RETSAT: variants seen among roughly 807,000 people sequenced by gnomAD.
RETSAT encodes the protein retinol saturase, also known as all-trans-retinol 13,14-reductase.
In RETSAT, 35 loss-of-function variants were observed where a neutral mutation model predicts 61.6. The ratio of observed to expected loss-of-function variants is 0.57; its 90% CI spans 0.43 to 0.75. The LOEUF (loss-of-function observed/expected upper bound fraction) is 0.75. Ranked by LOEUF, RETSAT falls within the 30% of genes least tolerant of loss-of-function variation. The pLI is 0.00. For synonymous variants in RETSAT, 277 were observed against 310.4 expected, an observed-to-expected ratio of 0.89 and a Z score of 1.13; for missense variants, 670 against 759.5, an observed-to-expected ratio of 0.88 and a Z score of 1.38.
At chr2:85,346,464 C>G (rs1171456703) in intron 5 of RETSAT, among the ~76,000 whole-genome samples, 1 of 152,198 alleles carries the variant, frequency 6.6e-6, no homozygotes, top group South Asian at 2.1e-4. Flanking sequence ...TTAATACCCT[C>G]CAATCGGGGC....
In RETSAT at chr2:85,343,156, G is replaced by A. The variant is rs1156626122; in HGVS notation, c.*86C>T. On this transcript the variant is annotated 3_prime_UTR_variant, in exon 11 of 11. Coordinates refer to ENST00000295802, the MANE Select transcript of RETSAT (RefSeq NM_017750.4). ...AAATTAGAGTGCTTTATACGTGCAAGGAACTAATGCAGAAAGACATTATGG... is the reference window on the plus strand; with the variant it reads ...AAATTAGAGTGCTTTATACGTGCAAAGAACTAATGCAGAAAGACATTATGG... 2 of 1,554,742 alleles carry A rather than the reference G, an allele frequency of 1.3e-6. No homozygotes were observed. The highest frequency in any genetic ancestry group is 2.7e-5 in the African/African-American group (2 of 73,540).
chr2:85,349,652 T>A lies in RETSAT; in HGVS notation c.800-71A>T. On this transcript the variant is annotated intron_variant, in intron 4 of 10. Transcript: ENST00000295802. ...GCACCATTCAGAAAGGAACGTGGAA[T>A]TCTGTGAGATAACACACAGCCCAGT... The A allele has an allele frequency of 6.9e-6, 9 of 1,312,990 alleles. No individual in the cohort carries two copies. The South Asian group carries it at 1.1e-4, about 16-fold the overall frequency. The allele number at this position is 1,312,990 out of a possible 1,614,324, so 81.3% of individuals were successfully genotyped here. A position where few individuals can be genotyped will look rare whatever the true frequency, so the allele number is the denominator to read the frequency against.
At position 85,344,707 on chromosome 2, in the gene RETSAT, C is replaced by A. The variant is rs770566762; in HGVS notation, c.1143G>T (p.Val381=). Reference sequence around the variant, plus strand: ...CAGAGGTCATGCCTAAGCCGGGCCGCACCGTCCCCAGTTGCTGCTTCACAC... The same window carrying A: ...CAGAGGTCATGCCTAAGCCGGGCCGAACCGTCCCCAGTTGCTGCTTCACAC... ...LPGVKQQLGT[V]RPGLGMTSVF... The change falls in exon 7 of 11, where the codon GTG becomes GTT. Residue 381 remains valine, a synonymous_variant. Transcript: ENST00000295802. 16 of 1,614,160 alleles carry A rather than the reference C, an allele frequency of 9.9e-6. 1 individual carries two copies. The East Asian group carries it at 1.8e-4, about 18-fold the overall frequency.
In RETSAT at chr2:85,351,793, G is replaced by C; in HGVS notation, c.242C>G (p.Ala81Gly). The stretch of plus-strand genomic sequence containing the variant: ...AGCTTTAGCTAGAATTGCAGCTGCA[G>C]CCAGGCCCCCAAAGCCACTGCCAAT... ...VVIGSGFGGLAAAAILAKAGK... is the reference protein window; with the variant it reads ...VVIGSGFGGLGAAAILAKAGK... Residue 81 changes from alanine (A) to glycine (G), a missense_variant, in exon 2 of 11, where the codon GCT becomes GGT. Ala to Gly is a moderately conservative substitution (Grantham distance 60, BLOSUM62 0). Coordinates refer to ENST00000295802, the MANE Select transcript of RETSAT (RefSeq NM_017750.4). The C allele has an allele frequency of 6.2e-7, 1 of 1,614,178 alleles. No individual in the cohort carries two copies. Among genetic ancestry groups the C allele is most frequent in the Non-Finnish European group, 8.5e-7 (1 of 1,180,028 alleles).
Position 85,343,041 on chromosome 2 carries a change from A to C in RETSAT, c.*201T>G. ...ATGGCATGTTATAAAAGGCGTAAAG[A>C]TCTCACCTGCCCCAGCTGGAAGCAG... On this transcript the variant is annotated 3_prime_UTR_variant, in exon 11 of 11. Transcript: ENST00000295802. 1 of 602,112 alleles carries C rather than the reference A, an allele frequency of 1.7e-6. No homozygotes were observed. The highest frequency in any genetic ancestry group is 2.9e-6 in the Non-Finnish European group (1 of 347,768). 37.3% of individuals were successfully genotyped at this position (602,112 alleles called of 1,614,324 possible). A position where few individuals can be genotyped will look rare whatever the true frequency, so the allele number is the denominator to read the frequency against.
At position 85,343,693 on chromosome 2, in the gene RETSAT, A is replaced by C; in HGVS notation, c.1639T>G (p.Cys547Gly). The C allele has an allele frequency of 6.2e-7, 1 of 1,614,118 alleles. No homozygotes were observed. The highest frequency in any genetic ancestry group is 8.5e-7 in the Non-Finnish European group (1 of 1,179,970). ...ADHDLGRLHP[C>G]VMASLRAQSP... ...TGGGCCCTCAAGGAGGCCATCACAC[A>C]AGGGTGCAGGCGGCCCAGGTCATGG... is the stretch of plus-strand genomic sequence containing the variant. Residue 547 changes from cysteine (C) to glycine (G), a missense_variant, in exon 10 of 11, where the codon TGT (cysteine) becomes GGT (glycine). Coordinates refer to ENST00000295802, the MANE Select transcript of RETSAT (RefSeq NM_017750.4).
intron 1 of RETSAT, among the ~76,000 whole-genome samples, chr2:85,353,011 TA>T: frequency 6.6e-6 from 1 of 152,358 alleles, no homozygotes; most frequent in South Asian, 2.1e-4. Flanking sequence ...GCAAACTGCT[TA>T]TTTTTTTAAT....
At position 85,351,765 on chromosome 2, in the gene RETSAT, G is replaced by C. The variant is rs1269105709; in HGVS notation, c.270C>G (p.Gly90=). The C allele has an allele frequency of 6.2e-7, 1 of 1,614,160 alleles. No individual in the cohort carries two copies. The highest frequency in any genetic ancestry group is 8.5e-7 in the Non-Finnish European group (1 of 1,180,038). The stretch of plus-strand genomic sequence containing the variant: ...GTTGTTCCAGCACCAGGACTCGCTT[G>C]CCAGCTTTAGCTAGAATTGCAGCTG... The part of the protein sequence containing the change: ...LAAAAILAKA[G]KRVLVLEQHT... Residue 90 remains glycine, a synonymous_variant, in exon 2 of 11, where the codon GGC becomes GGG. Coordinates refer to ENST00000295802, the MANE Select transcript of RETSAT (RefSeq NM_017750.4).
intron 5 of RETSAT, among the ~76,000 whole-genome samples, chr2:85,347,518 C>T (rs565015396): frequency 2.0e-5 from 3 of 151,934 alleles, no homozygotes; most frequent in South Asian, 2.1e-4. Context: ...TGAGCCACTG[C>T]GCCTGGCCCT....
intron 5 of RETSAT, among the ~76,000 whole-genome samples, chr2:85,348,609 C>A (rs1573063686): frequency 9.8e-6 from 1 of 101,600 alleles, no homozygotes; most frequent in Admixed American, 1.5e-4. Flanking sequence ...CCAGCCTGGG[C>A]AACAGAGCGA....
At chr2:85,352,279 T>C (rs1683311213) in intron 1 of RETSAT, among the ~76,000 whole-genome samples, 3 of 152,270 alleles carry the variant, frequency 2.0e-5, no homozygotes, top group African/African-American at 7.2e-5. Context: ...AGTCTCACTC[T>C]GTCACCCAGG....
chr2:85,351,840 C>T lies in RETSAT; in HGVS notation c.195G>A (p.Pro65=), dbSNP rs372098699. The part of the protein sequence containing the change: ...LKQAFSANQV[P]EKLDVVVIGS... ...CAATTACCACCACATCCAGCTTCTCCGGCACTTGGTTGGCTGAAAAAGCTA... is the reference window on the plus strand; with the variant it reads ...CAATTACCACCACATCCAGCTTCTCTGGCACTTGGTTGGCTGAAAAAGCTA... The change falls in exon 2 of 11, where the codon CCG becomes CCA. Residue 65 remains proline, a synonymous_variant. Coordinates refer to ENST00000295802, the MANE Select transcript of RETSAT (RefSeq NM_017750.4). The T allele has an allele frequency of 9.5e-5, 153 of 1,613,936 alleles. No homozygotes were observed. The Middle Eastern group carries it at 1.2e-3, about 12-fold the overall frequency.
intron 2 of RETSAT, chr2:85,351,417 T>G: frequency 2.1e-6 from 1 of 468,140 alleles, no homozygotes; most frequent in Non-Finnish European, 3.8e-6. Context: ...GATTACTGAG[T>G]GTAATCCCAG....
chr2:85,344,211 C>A, intron 8 of RETSAT, 28 bp downstream of exon 8: 1 of 1,614,146 alleles, frequency 6.2e-7, no homozygotes, highest in East Asian at 2.2e-5. Context: ...TCTCCCTCCA[C>A]CCCCTCACCC....
intron 5 of RETSAT, among the ~76,000 whole-genome samples, chr2:85,348,431 C>G (rs925169822): frequency 1.3e-5 from 2 of 151,988 alleles, no homozygotes; most frequent in Non-Finnish European, 1.5e-5. Context: ...GAGATTGAGA[C>G]CATCCTGGCT....
chr2:85,354,173 A>C (rs1360462342), intron 1 of RETSAT, among the ~76,000 whole-genome samples, 163 bp downstream of exon 1: 1 of 152,236 alleles, frequency 6.6e-6, no homozygotes, highest in African/African-American at 2.4e-5. Flanking sequence ...ACAGTGTTGC[A>C]CACTAAAGCG....
intron 1 of RETSAT, 93 bp from the exon 2 acceptor site, chr2:85,351,955 A>T: frequency 8.3e-7 from 1 of 1,208,038 alleles, no homozygotes; most frequent in Admixed American, 2.5e-5. Flanking sequence ...TAGCTTGTAC[A>T]GTGCAAGAAA....
At chr2:85,345,343 C>T (rs1171618833) in intron 6 of RETSAT, among the ~76,000 whole-genome samples, 3 of 152,216 alleles carry the variant, frequency 2.0e-5, no homozygotes, top group African/African-American at 4.8e-5. Flanking sequence ...TCCCCTTCCC[C>T]GGCTCCTCAG....
In RETSAT at chr2:85,350,961, A is replaced by G; in HGVS notation, c.416T>C (p.Ile139Thr). The G allele has an allele frequency of 6.2e-7, 1 of 1,614,166 alleles. No individual in the cohort carries two copies. Among genetic ancestry groups the G allele is most frequent in the Middle Eastern group, 1.6e-4 (1 of 6,062 alleles). Residue 139 changes from isoleucine to threonine, a missense_variant, in exon 3 of 11, where the codon ATC becomes ACC. Transcript: ENST00000295802. ...GSIGRFILDQ[I>T]TEGQLDWAPL... ...AGCCCAGTCCAGCTGCCCTTCAGTG[A>G]TCTGGTCCAAGATAAAACGGCCAAT...
Sources: gnomAD v4.1 joint callset for allele counts (sites outside exome capture counted in the v4.1 genomes callset) on GRCh38, gnomAD v4.1.1 for gene constraint, MANE v1.5 for transcripts, NCBI Gene and HGNC (gene_info 2026-07-23, HGNC 2026-07-21) for gene names.